Variants in ACOXL observed in about 807,000 individuals in gnomAD.
ACOXL encodes the protein acyl-coenzyme A oxidase-like protein.
Under a neutral mutation model 71.9 loss-of-function variants are expected in ACOXL, and 70 were observed. The ratio of observed to expected loss-of-function variants is 0.97; its 90% CI spans 0.80 to 1.19. ACOXL has a LOEUF of 1.19. Among genes scored for constraint, ACOXL ranks in the 50% most tolerant of loss-of-function variants. The probability of loss-of-function intolerance (pLI) is 0.00; values close to 1 mark genes in which losing one functional copy is unlikely to be tolerated. For synonymous variants in ACOXL, 253 were observed against 281.6 expected, an observed-to-expected ratio of 0.90 and a Z score of 1.02; for missense variants, 703 against 736.3, an observed-to-expected ratio of 0.95 and a Z score of 0.52.
At chr2:111,115,825 A>C (rs1370529568) in intron 17 of ACOXL, among the ~76,000 whole-genome samples, 8 of 152,204 alleles carry the variant, frequency 5.3e-5, no homozygotes, top group Admixed American at 4.6e-4. Context: ...ATTGGAGGGC[A>C]CACTCCCTGA....
At chr2:110,982,597 T>G (rs2062758078) in intron 12 of ACOXL, among the ~76,000 whole-genome samples, 1 of 152,230 alleles carries the variant, frequency 6.6e-6, no homozygotes, top group Non-Finnish European at 1.5e-5. Flanking sequence ...CCTTAGTCTT[T>G]TCTTCATTCT....
chr2:111,112,420 T>C (rs1374217116), intron 17 of ACOXL, among the ~76,000 whole-genome samples: 1 of 152,230 alleles, frequency 6.6e-6, no homozygotes, highest in African/African-American at 2.4e-5. Flanking sequence ...TATGAGATTA[T>C]GCCTCGTGTG....
chr2:110,734,150 A>G (rs1486901641), intron 1 of ACOXL, among the ~76,000 whole-genome samples: 1 of 152,214 alleles, frequency 6.6e-6, no homozygotes, highest in Non-Finnish European at 1.5e-5. Context: ...AAATACACTA[A>G]TAGATTTATT....
chr2:110,979,437 C>T (rs1408583646), intron 12 of ACOXL, among the ~76,000 whole-genome samples: 3 of 152,206 alleles, frequency 2.0e-5, no homozygotes, highest in Non-Finnish European at 4.4e-5. Context: ...CTGAATTCCT[C>T]ATAGGTCCCA....
chr2:110,995,309 G>A (rs2063340924), intron 13 of ACOXL, among the ~76,000 whole-genome samples: 1 of 151,026 alleles, frequency 6.6e-6, no homozygotes, highest in Non-Finnish European at 1.5e-5. Context: ...AGACCAGCCT[G>A]GCCAATATGG....
At chr2:110,941,978 A>G (rs912293501) in intron 12 of ACOXL, among the ~76,000 whole-genome samples, 1 of 152,204 alleles carries the variant, frequency 6.6e-6, no homozygotes, top group African/African-American at 2.4e-5. Flanking sequence ...AATAATAACA[A>G]TGTAGTGTGA....
intron 1 of ACOXL, among the ~76,000 whole-genome samples, chr2:110,766,576 C>T (rs1208990584): frequency 6.6e-6 from 1 of 152,186 alleles, no homozygotes; most frequent in Non-Finnish European, 1.5e-5. Context: ...AAGGTCAGTT[C>T]TCTTCTGGGT....
chr2:110,890,403 G>A (rs1364158943), intron 10 of ACOXL, among the ~76,000 whole-genome samples: 1 of 152,124 alleles, frequency 6.6e-6, no homozygotes, highest in Non-Finnish European at 1.5e-5. Flanking sequence ...AAGGTCATGA[G>A]GATTTGCTGC....
At chr2:110,773,854 A>C (rs968606148) in intron 2 of ACOXL, among the ~76,000 whole-genome samples, 1 of 152,242 alleles carries the variant, frequency 6.6e-6, no homozygotes, top group African/African-American at 2.4e-5. Flanking sequence ...ACAACAGGAC[A>C]GAGAGGTCTG....
chr2:110,893,997 A>G (rs750869567), intron 10 of ACOXL, among the ~76,000 whole-genome samples: 2 of 152,104 alleles, frequency 1.3e-5, no homozygotes, highest in Admixed American at 1.3e-4. Context: ...TCTGTTGTTT[A>G]TCGCTCTTTA....
chr2:110,846,641 G>GCGCGCACACACA (rs148602789), intron 10 of ACOXL, among the ~76,000 whole-genome samples: 36 of 138,034 alleles, frequency 2.6e-4, no homozygotes, highest in African/African-American at 4.6e-4. Context: ...ATGCATACAC[G>GCGCGCACACACA]CACACACACA....
intron 1 of ACOXL, among the ~76,000 whole-genome samples, chr2:110,734,797 T>C (rs1476967175): frequency 4.6e-5 from 7 of 152,070 alleles, no homozygotes; most frequent in Non-Finnish European, 1.5e-5. Flanking sequence ...GTGAATTCCA[T>C]AGGGACAGAG....
chr2:110,891,077 TA>T (rs1697878008), intron 10 of ACOXL, among the ~76,000 whole-genome samples: 10 of 152,182 alleles, frequency 6.6e-5, no homozygotes, highest in Admixed American at 6.5e-4. Flanking sequence ...GATTGTTCAT[TA>T]TTAGTATATA....
chr2:110,818,089 G>C (rs1688127374), intron 9 of ACOXL, among the ~76,000 whole-genome samples: 1 of 150,560 alleles, frequency 6.6e-6, no homozygotes, highest in South Asian at 2.1e-4. Flanking sequence ...CACTAGAGGT[G>C]CTGAGAGTAC....
intron 10 of ACOXL, among the ~76,000 whole-genome samples, chr2:110,843,417 T>A (rs11892748): frequency 0.26 from 39,838 of 152,156 alleles, 5,518 homozygotes; most frequent in East Asian, 0.3. Context: ...CAGATGCCCC[T>A]GGTAGGCTGA....
chr2:110,967,108 G>C (rs930337974), intron 12 of ACOXL, among the ~76,000 whole-genome samples: 11 of 152,164 alleles, frequency 7.2e-5, no homozygotes, highest in African/African-American at 2.7e-4. Flanking sequence ...GGATTTTAAA[G>C]TACCCACTAT....
rs541392662 is a variant in ACOXL, at chr2:111,040,889, C to T, written c.1370-8329C>T. ...CCCACAGGGCCTGAGTGCCAAGGCCCGTAGCTGTCATTGTCAACTCCCACT... is the reference window on the plus strand; with the variant it reads ...CCCACAGGGCCTGAGTGCCAAGGCCTGTAGCTGTCATTGTCAACTCCCACT... On this transcript the variant is annotated intron_variant, in intron 15 of 17. Transcript: ENST00000439055. Among the ~76,000 whole-genome samples, 5 of 152,024 alleles carry T rather than the reference C, an allele frequency of 3.3e-5. No homozygotes were observed. In the South Asian group the frequency reaches 1.0e-3, roughly 32 times the overall value.
chr2:110,840,400 A>G (rs1214648928), intron 9 of ACOXL, among the ~76,000 whole-genome samples: 1 of 152,226 alleles, frequency 6.6e-6, no homozygotes. Context: ...GTTATTATTT[A>G]TAGAATTTTT....
At chr2:110,805,589 C>T (rs1400301938) in intron 9 of ACOXL, among the ~76,000 whole-genome samples, 194 bp downstream of exon 9, 2 of 152,228 alleles carry the variant, frequency 1.3e-5, no homozygotes, top group Non-Finnish European at 2.9e-5. Context: ...GAGGGGCTCC[C>T]ACCCATCTAC....
Sources: gnomAD v4.1 joint callset for allele counts (sites outside exome capture counted in the v4.1 genomes callset) on GRCh38, gnomAD v4.1.1 for gene constraint, MANE v1.5 for transcripts, NCBI Gene and HGNC (gene_info 2026-07-23, HGNC 2026-07-21) for gene names.